CHD6: variants seen among roughly 807,000 people sequenced by gnomAD.
The protein encoded by CHD6 is ATP-dependent chromatin remodeler CHD6.
In CHD6, 50 loss-of-function variants were observed where a neutral mutation model predicts 276.9. The ratio of observed to expected loss-of-function variants is 0.18; its 90% CI spans 0.14 to 0.23. The LOEUF (loss-of-function observed/expected upper bound fraction) is 0.23, where lower values mean the gene tolerates loss of function less well. Ranked by LOEUF, CHD6 falls within the 10% of genes least tolerant of loss-of-function variation. The pLI, the probability that CHD6 is intolerant of heterozygous loss-of-function variation, is 1.00. For missense variants in CHD6, 2,564 were observed against 3,365.8 expected, an observed-to-expected ratio of 0.76 and a Z score of 5.89; for synonymous variants, 1,173 against 1,229.3, an observed-to-expected ratio of 0.95 and a Z score of 0.96.
chr20:41,408,101 G>A (rs2046734126), intron 36 of CHD6, among the ~76,000 whole-genome samples: 1 of 151,400 alleles, frequency 6.6e-6, no homozygotes, highest in Admixed American at 6.6e-5. Context: ...GTTCATCATA[G>A]ACAAAAAAGC....
chr20:41,587,521 G>C (rs994361979), intron 1 of CHD6, among the ~76,000 whole-genome samples: 8 of 152,186 alleles, frequency 5.3e-5, no homozygotes, highest in Non-Finnish European at 1.5e-5. Context: ...TTCATCCCAA[G>C]AGTTCACACC....
intron 1 of CHD6, among the ~76,000 whole-genome samples, chr20:41,577,512 G>T (rs913584225): frequency 6.6e-6 from 1 of 151,990 alleles, no homozygotes. Context: ...CAAGTAAAAA[G>T]ATTCAAAAAA....
intron 3 of CHD6, among the ~76,000 whole-genome samples, chr20:41,531,983 C>T (rs1299865678): frequency 6.6e-6 from 1 of 152,090 alleles, no homozygotes; most frequent in East Asian, 1.9e-4. Flanking sequence ...ATTAACCTTC[C>T]CTTGCACTTA....
At chr20:41,491,340 T>A (rs959737810) in intron 11 of CHD6, among the ~76,000 whole-genome samples, 39 of 148,626 alleles carry the variant, frequency 2.6e-4, no homozygotes, top group South Asian at 1.5e-3. Flanking sequence ...ATATATATAT[T>A]TTTTGGTTTT....
intron 5 of CHD6, among the ~76,000 whole-genome samples, chr20:41,504,625 G>A (rs2043932702): frequency 6.6e-6 from 1 of 151,822 alleles, no homozygotes; most frequent in Non-Finnish European, 1.5e-5. Context: ...GCCCAGGTTG[G>A]CCTCGAAATT....
At chr20:41,557,265 T>G (rs1056048281) in intron 1 of CHD6, among the ~76,000 whole-genome samples, 1 of 152,200 alleles carries the variant, frequency 6.6e-6, no homozygotes, top group Non-Finnish European at 1.5e-5. Context: ...GGCATTTAAT[T>G]ATCTTCACAA....
chr20:41,499,040 A>G (rs890438351), intron 6 of CHD6, among the ~76,000 whole-genome samples: 2 of 152,064 alleles, frequency 1.3e-5, no homozygotes, highest in African/African-American at 4.8e-5. Flanking sequence ...GGCTACAGCA[A>G]CTAAGGGATA....
At chr20:41,554,178 C>T (rs1246608444) in intron 1 of CHD6, among the ~76,000 whole-genome samples, 1 of 152,084 alleles carries the variant, frequency 6.6e-6, no homozygotes, top group Non-Finnish European at 1.5e-5. Context: ...TACAGGAAAA[C>T]TCTACCAATG....
chr20:41,417,515 G>GT (rs985732223), intron 31 of CHD6, among the ~76,000 whole-genome samples, 166 bp from the exon 32 acceptor site: 3 of 152,262 alleles, frequency 2.0e-5, no homozygotes, highest in Non-Finnish European at 2.9e-5. Context: ...CAGGAGAACC[G>GT]TATCAGTTAA....
Position 41,404,722 on chromosome 20 carries a change from G to C in CHD6, c.8019C>G (p.Pro2673=), listed in dbSNP as rs1458125985. The part of the protein sequence containing the change: ...DNPNSHPEPA[P]SCEREPSGDE... ...CACCGCTGGGCTCCCTTTCACAGCT[G>C]GGAGCAGGCTCTGGGTGGGAGTTGG... Residue 2673 remains proline, a synonymous_variant, in exon 37 of 37, where the codon CCC becomes CCG. Transcript: ENST00000373233. 2.5e-6 allele frequency: 4 copies of C among 1,601,552 alleles called. No homozygotes were observed. The highest frequency in any genetic ancestry group is 1.7e-5 in the Admixed American group (1 of 58,400).
chr20:41,531,479 T>TCTG (rs2044683307), intron 3 of CHD6, among the ~76,000 whole-genome samples: 1 of 152,244 alleles, frequency 6.6e-6, no homozygotes, highest in Non-Finnish European at 1.5e-5. Flanking sequence ...GAACAGTCAC[T>TCTG]CTGCTACTCC....
At chr20:41,546,637 T>C (rs898081914) in intron 2 of CHD6, among the ~76,000 whole-genome samples, 1 of 152,254 alleles carries the variant, frequency 6.6e-6, no homozygotes, top group Non-Finnish European at 1.5e-5. Context: ...TGCAAAGAAC[T>C]ATTTACAACC....
At chr20:41,533,687 CTGTT>C (rs954745032) in intron 2 of CHD6, 117 bp from the exon 3 acceptor site, 80 of 901,164 alleles carry the variant, frequency 8.9e-5, no homozygotes, top group Non-Finnish European at 1.3e-4. Flanking sequence ...TTCCCACTCT[CTGTT>C]AGTTCCTATT....
Position 41,403,231 on chromosome 20 carries a change from C to G in CHD6, c.*1362G>C. The G allele has an allele frequency of 2.8e-6, 3 of 1,054,050 alleles. No homozygotes were observed. The highest frequency in any genetic ancestry group is 3.4e-6 in the Non-Finnish European group (3 of 869,878). The allele number at this position is 1,054,050 out of a possible 1,614,324, so 65.3% of individuals were successfully genotyped here. ...GTGAAACTGGTACTAGTAACACTTGCAACATTTCCAAGGGTCCTGCGCAGC... is the reference window on the plus strand; with the variant it reads ...GTGAAACTGGTACTAGTAACACTTGGAACATTTCCAAGGGTCCTGCGCAGC... On this transcript the variant is annotated 3_prime_UTR_variant, in exon 37 of 37. Transcript: ENST00000373233.
intron 27 of CHD6, among the ~76,000 whole-genome samples, chr20:41,426,968 A>C (rs918115632): frequency 1.3e-5 from 2 of 152,016 alleles, no homozygotes; most frequent in Non-Finnish European, 2.9e-5. Context: ...AGTACAGAAC[A>C]ACCTCAGGAT....
rs73623237 is a variant in CHD6 at position 41,559,901 on chromosome 20, ACTCT to A, written c.-23-8545_-23-8542del. ...CACGCACACATACACACACACACAC[ACTCT>A]CTCTACCTGCTCCTGTGTTCCCCAT... On this transcript the variant is annotated intron_variant, in intron 1 of 36. Transcript: ENST00000373233. Among the ~76,000 whole-genome samples, 1,408 of 150,824 alleles carry A rather than the reference ACTCT, an allele frequency of 9.3e-3. 22 individuals are homozygous for A. The highest frequency in any genetic ancestry group is 0.031 in the African/African-American group (1,268 of 41,018).
chr20:41,431,582 A>G (rs1440969812), intron 27 of CHD6, among the ~76,000 whole-genome samples: 1 of 152,174 alleles, frequency 6.6e-6, no homozygotes, highest in Non-Finnish European at 1.5e-5. Context: ...CTACTTATGC[A>G]AAATCTCAGA....
chr20:41,445,876 C>G, intron 24 of CHD6, 108 bp from the exon 25 acceptor site: 1 of 669,418 alleles, frequency 1.5e-6, no homozygotes, highest in South Asian at 1.8e-5. Context: ...TAACAATAAA[C>G]AAAAGGGTTA....
intron 2 of CHD6, 89 bp from the exon 3 acceptor site, chr20:41,533,659 C>T (rs1280695912): frequency 1.7e-6 from 2 of 1,208,480 alleles, no homozygotes; most frequent in Admixed American, 4.6e-5. Context: ...TGGATTTGCT[C>T]AACAAATATT....
Sources: allele counts gnomAD v4.1 joint callset (sites outside exome capture counted in the v4.1 genomes callset), GRCh38; gene constraint gnomAD v4.1.1; transcripts MANE v1.5; gene names NCBI Gene and HGNC (gene_info 2026-07-23, HGNC 2026-07-21).